TMEM183A: variants seen among roughly 807,000 people sequenced by gnomAD.
TMEM183A encodes transmembrane protein 183A.
A neutral mutation model predicts 46.7 loss-of-function variants in TMEM183A; 21 were observed. The ratio of observed to expected loss-of-function variants is 0.45; its 90% CI spans 0.32 to 0.65. The LOEUF is 0.65. Among genes scored for constraint, TMEM183A ranks in the 30% least tolerant of loss-of-function variants. The pLI, the probability that TMEM183A is intolerant of heterozygous loss-of-function variation, is 0.04. For missense variants in TMEM183A, 331 were observed against 481.9 expected (o/e 0.69, Z 2.93); for synonymous variants, 165 against 180.2 (o/e 0.92, Z 0.68).
chr1:203,015,204 T>A, intron 4 of TMEM183A, 156 bp downstream of exon 4: 2 of 1,025,692 alleles, frequency 1.9e-6, no homozygotes, highest in Non-Finnish European at 2.8e-6. Flanking sequence ...CTCTCTAATT[T>A]AAATTTGATA....
intron 2 of TMEM183A, among the ~76,000 whole-genome samples, chr1:203,008,340 A>G (rs1330744143): frequency 6.6e-6 from 1 of 152,194 alleles, no homozygotes; most frequent in Non-Finnish European, 1.5e-5. Flanking sequence ...ATGAGAATAC[A>G]AATCAGCTTT....
At chr1:203,016,386 T>C (rs924400305) in intron 5 of TMEM183A, among the ~76,000 whole-genome samples, 2 of 152,234 alleles carry the variant, frequency 1.3e-5, no homozygotes, top group African/African-American at 4.8e-5. Context: ...TTTTAATGTA[T>C]TTGCATACAT....
chr1:203,007,563 G>A lies in TMEM183A; in HGVS notation c.98G>A (p.Cys33Tyr). ...KRLKFRAHDA[C>Y]SGRVTVADYA... ...CTCAAGTTCCGGGCCCACGACGCCT[G>A]CTCCGGCCGAGGTGGGCGAGGGGGG... Residue 33 changes from cysteine (C) to tyrosine (Y), a missense_variant, in exon 1 of 8, where the codon TGC becomes TAC. By Grantham distance (194) the Cys-to-Tyr change is radical (BLOSUM62 -2). This residue lies in a region of TMEM183A where 98 missense variants were observed against 96.1 expected (regional missense o/e 1.02). Coordinates refer to ENST00000367242, the MANE Select transcript of TMEM183A (RefSeq NM_138391.6). 6.5e-7 allele frequency: 1 copy of A among 1,548,212 alleles called. No individual in the cohort carries two copies. Among genetic ancestry groups the A allele is most frequent in the East Asian group, 2.4e-5 (1 of 42,170 alleles).
intron 5 of TMEM183A, among the ~76,000 whole-genome samples, chr1:203,018,234 G>C (rs1657349953): frequency 6.6e-6 from 1 of 152,148 alleles, no homozygotes; most frequent in Non-Finnish European, 1.5e-5. Flanking sequence ...GATGTCAGTA[G>C]CCTCTGAGGT....
Position 203,007,584 on chromosome 1 carries a change from G to A in TMEM183A, c.109+10G>A, listed in dbSNP as rs1343832133. ...GCCTGCTCCGGCCGAGGTGGGCGAG[G>A]GGGGCAGGGGCGCTGAAACATTTTG... On this transcript the variant is annotated intron_variant, in intron 1 of 7. Coordinates refer to ENST00000367242, the MANE Select transcript of TMEM183A (RefSeq NM_138391.6). 3 of 1,542,400 alleles carry A rather than the reference G, an allele frequency of 1.9e-6. No homozygotes were observed. Among genetic ancestry groups the A allele is most frequent in the South Asian group, 2.4e-5 (2 of 84,978 alleles).
At chr1:203,022,747 T>C in intron 7 of TMEM183A, 108 bp from the exon 8 acceptor site, 5 of 1,392,162 alleles carry the variant, frequency 3.6e-6, no homozygotes, top group Non-Finnish European at 3.0e-6. Flanking sequence ...TAGAGATTAA[T>C]CTTGTGGCCT....
In TMEM183A at chr1:203,007,456, G is replaced by T. The variant is rs551405502; in HGVS notation, c.-10G>T. The T allele has an allele frequency of 1.4e-6, 2 of 1,421,048 alleles. No homozygotes were observed. The highest frequency in any genetic ancestry group is 1.4e-5 in the South Asian group (1 of 72,496). The allele number at this position is 1,421,048 out of a possible 1,614,324, so 88.0% of individuals were successfully genotyped here. A position where few individuals can be genotyped will look rare whatever the true frequency, so the allele number is the denominator to read the frequency against. Reference sequence around the variant, plus strand: ...TTGCGGCTCCCGGGGCCGGCTCTCCGGCCGGAGACATGGCCCGGGGGCCCG... The same window carrying T: ...TTGCGGCTCCCGGGGCCGGCTCTCCTGCCGGAGACATGGCCCGGGGGCCCG... On this transcript the variant is annotated 5_prime_UTR_variant, in exon 1 of 8. Transcript: ENST00000367242.
rs139116852 is a variant in TMEM183A, at chr1:203,013,357, G to A, written c.368-1532G>A. Among the ~76,000 whole-genome samples, 177 of 152,250 alleles carry A rather than the reference G, an allele frequency of 1.2e-3. 3 individuals carry two copies. The highest frequency in any genetic ancestry group is 6.8e-3 in the Middle Eastern group (2 of 294). On this transcript the variant is annotated intron_variant, in intron 3 of 7. Coordinates refer to ENST00000367242, the MANE Select transcript of TMEM183A (RefSeq NM_138391.6). This position sits in a 1 kb window ranked among gnomAD's most constrained non-coding sequence, Gnocchi z 4.0. ...TTCTATGACTAGGTTTGAAATAAGG[G>A]TTAAGGTTAGGATTAGCTCAGATTC...
At chr1:203,020,451 C>T (rs977931120) in intron 6 of TMEM183A, among the ~76,000 whole-genome samples, 1 of 152,138 alleles carries the variant, frequency 6.6e-6, no homozygotes, top group South Asian at 2.1e-4. Flanking sequence ...CCCTTTTGTG[C>T]AGCAGATGTT....
intron 2 of TMEM183A, among the ~76,000 whole-genome samples, 168 bp downstream of exon 2, chr1:203,008,031 C>T (rs1656149178): frequency 6.6e-6 from 1 of 152,194 alleles, no homozygotes; most frequent in Non-Finnish European, 1.5e-5. Context: ...GTAGCAGTTT[C>T]TGTAGCAGAA....
At chr1:203,015,883 A>AC in intron 4 of TMEM183A, 77 bp from the exon 5 acceptor site, 1 of 1,547,480 alleles carries the variant, frequency 6.5e-7, no homozygotes, top group Non-Finnish European at 8.8e-7. Flanking sequence ...TCATACAGAG[A>AC]CCAGGAGTCT....
In TMEM183A at chr1:203,007,475, G is replaced by A. The variant is rs766528433; in HGVS notation, c.10G>A (p.Gly4Arg). Reference sequence around the variant, plus strand: ...CTCTCCGGCCGGAGACATGGCCCGGGGGCCCGGCCCGCTAGGCAGGCCTCG... The same window carrying A: ...CTCTCCGGCCGGAGACATGGCCCGGAGGCCCGGCCCGCTAGGCAGGCCTCG... MAR[G>R]PGPLGRPRPD... Residue 4 changes from glycine (G) to arginine (R), a missense_variant, in exon 1 of 8, where the codon GGG becomes AGG. Coordinates refer to ENST00000367242, the MANE Select transcript of TMEM183A (RefSeq NM_138391.6). 2 of 1,460,600 alleles carry A rather than the reference G, an allele frequency of 1.4e-6. No homozygotes were observed. Among genetic ancestry groups the A allele is most frequent in the Non-Finnish European group, 1.8e-6 (2 of 1,103,056 alleles). The allele number at this position is 1,460,600 out of a possible 1,614,324, so 90.5% of individuals were successfully genotyped here.
chr1:203,011,630 A>G (rs1656593733), intron 3 of TMEM183A, among the ~76,000 whole-genome samples: 1 of 152,084 alleles, frequency 6.6e-6, no homozygotes, highest in African/African-American at 2.4e-5. Flanking sequence ...GCTGGTCTCG[A>G]ACTCCAGACC....
In TMEM183A at chr1:203,022,920, T is replaced by C; in HGVS notation, c.1011T>C (p.Pro337=). The change falls in exon 8 of 8, where the codon CCT becomes CCC. Residue 337 remains proline (P), a synonymous_variant. Coordinates refer to ENST00000367242, the MANE Select transcript of TMEM183A (RefSeq NM_138391.6). ...HRVRLVFQDS[P]VHGGRKLRSE... ...TGAGACTGGTGTTCCAAGATTCCCCTGTCCATGGTGGTCGGAAACTGCGCA... is the reference window on the plus strand; with the variant it reads ...TGAGACTGGTGTTCCAAGATTCCCCCGTCCATGGTGGTCGGAAACTGCGCA... 6.2e-7 allele frequency: 1 copy of C among 1,613,436 alleles called. No individual in the cohort carries two copies. The highest frequency in any genetic ancestry group is 1.7e-4 in the Middle Eastern group (1 of 6,056).
intron 5 of TMEM183A, among the ~76,000 whole-genome samples, chr1:203,017,561 T>A (rs1039258813): frequency 3.3e-5 from 5 of 152,244 alleles, no homozygotes; most frequent in African/African-American, 1.2e-4. Flanking sequence ...ATCTGGCTGC[T>A]GCTTTTGTGC....
chr1:203,022,811 C>CAA (rs1157782194), intron 7 of TMEM183A, 44 bp from the exon 8 acceptor site: 1 of 1,612,526 alleles, frequency 6.2e-7, no homozygotes, highest in Non-Finnish European at 8.5e-7. Flanking sequence ...TCTTGGAAAC[C>CAA]AAGGTTGTGT....
intron 6 of TMEM183A, among the ~76,000 whole-genome samples, 198 bp downstream of exon 6, chr1:203,018,759 G>C (rs1657404467): frequency 6.6e-6 from 1 of 152,190 alleles, no homozygotes; most frequent in Admixed American, 6.5e-5. Context: ...TGTTTGGTGA[G>C]GGCCTGGTCC....
intron 2 of TMEM183A, 42 bp from the exon 3 acceptor site, chr1:203,008,601 T>G (rs780221205): frequency 7.0e-7 from 1 of 1,420,104 alleles, no homozygotes; most frequent in Non-Finnish European, 9.3e-7. Flanking sequence ...TATTTCTGGG[T>G]GGAGCTGTGT....
intron 5 of TMEM183A, among the ~76,000 whole-genome samples, chr1:203,016,686 T>C (rs1047911994): frequency 3.3e-5 from 5 of 152,248 alleles, no homozygotes; most frequent in Non-Finnish European, 7.3e-5. Flanking sequence ...TCATAGACTA[T>C]AAGGTACCCT....
Sources: allele counts gnomAD v4.1 joint callset (sites outside exome capture counted in the v4.1 genomes callset), GRCh38; gene constraint gnomAD v4.1.1; regional missense constraint gnomAD v4.1.1; non-coding constraint Gnocchi (gnomAD v3.1); transcripts MANE v1.5; gene names NCBI Gene and HGNC (gene_info 2026-07-23, HGNC 2026-07-21).